NAALADL2: variants seen among roughly 807,000 people sequenced by gnomAD.
NAALADL2 encodes N-acetylated alpha-linked acidic dipeptidase like 2, also known as inactive N-acetylated-alpha-linked acidic dipeptidase-like protein 2.
In NAALADL2, 76 loss-of-function variants were observed where a neutral mutation model predicts 87.2. The ratio of observed to expected loss-of-function variants is 0.87; its 90% CI spans 0.72 to 1.05. The LOEUF (loss-of-function observed/expected upper bound fraction) is 1.05. NAALADL2 is among the 50% of genes least tolerant of loss of function. The pLI, the probability that NAALADL2 is intolerant of heterozygous loss-of-function variation, is 0.00. For synonymous variants in NAALADL2, 354 were observed against 331.0 expected (o/e 1.07, Z -0.75); for missense variants, 1,089 against 945.8 (o/e 1.15, Z -1.99).
chr3:175,535,049 G>A (rs1289708148), intron 9 of NAALADL2, among the ~76,000 whole-genome samples: 1 of 152,088 alleles, frequency 6.6e-6, no homozygotes, highest in African/African-American at 2.4e-5. Context: ...ACCAGTCACT[G>A]TGGTGCATTA....
intron 2 of NAALADL2, among the ~76,000 whole-genome samples, chr3:175,224,056 A>G (rs1560188512): frequency 6.6e-6 from 1 of 152,284 alleles, no homozygotes; most frequent in East Asian, 1.9e-4. Flanking sequence ...TTAAAGAAAG[A>G]CAGAGAGAGA....
chr3:174,585,324 T>C (rs1445087514), intron 2 of NAALADL2, among the ~76,000 whole-genome samples: 2 of 152,190 alleles, frequency 1.3e-5, no homozygotes. Context: ...CCTAAAATAT[T>C]GATTCTAATC....
At chr3:174,757,375 C>CTCTGG (rs1394142050) in intron 3 of NAALADL2, among the ~76,000 whole-genome samples, 4 of 152,182 alleles carry the variant, frequency 2.6e-5, no homozygotes, top group African/African-American at 9.7e-5. Context: ...TGAAGGAGTA[C>CTCTGG]TCTGGTTAGA....
intron 3 of NAALADL2, among the ~76,000 whole-genome samples, chr3:174,819,088 G>GTTTTTTTTT (rs1721135611): frequency 5.1e-5 from 1 of 19,470 alleles, no homozygotes; most frequent in African/African-American, 1.5e-4. Context: ...TTTTTTTTTG[G>GTTTTTTTTT]AGACAGGATT....
chr3:175,170,077 T>G (rs757392550), intron 2 of NAALADL2, among the ~76,000 whole-genome samples: 11 of 151,908 alleles, frequency 7.2e-5, no homozygotes, highest in Non-Finnish European at 1.5e-4. Flanking sequence ...GGTATTGCTC[T>G]GTTTTTATTA....
intron 11 of NAALADL2, among the ~76,000 whole-genome samples, chr3:175,645,108 G>A (rs867543510): frequency 3.3e-5 from 5 of 151,310 alleles, no homozygotes; most frequent in African/African-American, 7.3e-5. Context: ...AGACTCAGGC[G>A]AAGCTGTATT....
chr3:175,640,092 AG>A (rs1448600963), intron 11 of NAALADL2, among the ~76,000 whole-genome samples: 11 of 152,192 alleles, frequency 7.2e-5, no homozygotes, highest in Non-Finnish European at 1.6e-4. Flanking sequence ...AAATAATAAA[AG>A]TATTTTATAA....
At chr3:175,334,415 C>T (rs1327883167) in intron 5 of NAALADL2, among the ~76,000 whole-genome samples, 1 of 152,188 alleles carries the variant, frequency 6.6e-6, no homozygotes, top group Non-Finnish European at 1.5e-5. Context: ...ACATGGCTCT[C>T]ATGATGATCA....
chr3:174,488,808 C>T (rs1311294238), intron 1 of NAALADL2, among the ~76,000 whole-genome samples: 1 of 151,944 alleles, frequency 6.6e-6, no homozygotes, highest in Non-Finnish European at 1.5e-5. Flanking sequence ...TTAATTCCTG[C>T]CATTCACAGC....
At chr3:175,001,350 G>A (rs887470229) in intron 1 of NAALADL2, among the ~76,000 whole-genome samples, 2 of 152,108 alleles carry the variant, frequency 1.3e-5, no homozygotes, top group Admixed American at 1.3e-4. Flanking sequence ...CCATCTTGGG[G>A]CTCACTCCAG....
At chr3:174,955,289 A>T (rs1480145694) in intron 1 of NAALADL2, among the ~76,000 whole-genome samples, 1 of 152,112 alleles carries the variant, frequency 6.6e-6, no homozygotes, top group Non-Finnish European at 1.5e-5. Flanking sequence ...TAGTTATTTT[A>T]AAAACAATTT....
chr3:175,763,831 A>G (rs190658327), intron 13 of NAALADL2, among the ~76,000 whole-genome samples: 1 of 151,940 alleles, frequency 6.6e-6, no homozygotes, highest in Non-Finnish European at 1.5e-5. Context: ...TCCCCATTCT[A>G]ACACACACAC....
intron 2 of NAALADL2, among the ~76,000 whole-genome samples, chr3:174,673,064 G>A (rs1726722778): frequency 6.6e-6 from 1 of 151,976 alleles, no homozygotes; most frequent in Non-Finnish European, 1.5e-5. Flanking sequence ...TTGACGTGAT[G>A]TGTTATTAAA....
At chr3:175,595,955 A>G (rs568739137) in intron 10 of NAALADL2, among the ~76,000 whole-genome samples, 4 of 152,138 alleles carry the variant, frequency 2.6e-5, no homozygotes, top group African/African-American at 9.6e-5. Context: ...TTATTCTTCT[A>G]TTCATGAAGG....
chr3:174,477,371 G>T (rs551430343), intron 1 of NAALADL2, among the ~76,000 whole-genome samples: 1 of 152,020 alleles, frequency 6.6e-6, no homozygotes, highest in South Asian at 2.1e-4. Context: ...ATAAAACCAC[G>T]TGGCAGAGGT....
intron 1 of NAALADL2, among the ~76,000 whole-genome samples, chr3:174,464,379 AT>A (rs35463381): frequency 0.033 from 4,373 of 131,290 alleles, 186 homozygotes; most frequent in African/African-American, 0.11. Flanking sequence ...TGTTGGATTC[AT>A]TTTTTTTTTT....
chr3:174,945,901 C>T (rs1739335026), intron 1 of NAALADL2, among the ~76,000 whole-genome samples: 1 of 151,878 alleles, frequency 6.6e-6, no homozygotes, highest in African/African-American at 2.4e-5. Flanking sequence ...AAAATATTAG[C>T]CAGGTGTGGT....
At chr3:175,202,835 A>G (rs971144628) in intron 2 of NAALADL2, among the ~76,000 whole-genome samples, 2 of 151,954 alleles carry the variant, frequency 1.3e-5, no homozygotes, top group African/African-American at 4.8e-5. Flanking sequence ...ATGTCAATGA[A>G]GTTGTGTACC....
chr3:175,777,224 G>A (rs1169126347), intron 13 of NAALADL2, among the ~76,000 whole-genome samples: 1 of 151,616 alleles, frequency 6.6e-6, no homozygotes, highest in African/African-American at 2.4e-5. Flanking sequence ...TTGGAATATT[G>A]TTTTAAAATA....
Sources: gnomAD v4.1 joint callset for allele counts (sites outside exome capture counted in the v4.1 genomes callset) on GRCh38, gnomAD v4.1.1 for gene constraint, MANE v1.5 for transcripts, NCBI Gene and HGNC (gene_info 2026-07-23, HGNC 2026-07-21) for gene names.